TSHZ2: variants seen among roughly 807,000 people sequenced by gnomAD.
TSHZ2 encodes teashirt homolog 2.
In TSHZ2, 21 loss-of-function variants were observed where a neutral mutation model predicts 74.4. The ratio of observed to expected loss-of-function variants is 0.28; its 90% confidence interval spans 0.20 to 0.41. TSHZ2 has a LOEUF of 0.41. TSHZ2 is among the 10% of genes least tolerant of loss of function. The probability of loss-of-function intolerance (pLI) is 1.00; values close to 1 mark genes in which losing one functional copy is unlikely to be tolerated. For missense variants in TSHZ2, 1,244 were observed against 1,293.5 expected, an observed-to-expected ratio of 0.96 and a Z score of 0.59; for synonymous variants, 540 against 515.3, an observed-to-expected ratio of 1.05 and a Z score of -0.65.
intron 2 of TSHZ2, among the ~76,000 whole-genome samples, chr20:53,395,965 T>C (rs1452420521): frequency 2.0e-5 from 3 of 152,208 alleles, no homozygotes; most frequent in African/African-American, 7.2e-5. Flanking sequence ...AGATGGAGTC[T>C]CGCTCTGTTG....
At chr20:53,126,279 A>G (rs577949778) in intron 1 of TSHZ2, among the ~76,000 whole-genome samples, 1 of 152,370 alleles carries the variant, frequency 6.6e-6, no homozygotes, top group Admixed American at 6.5e-5. Context: ...GCGATCACAC[A>G]GCATTCATTC....
intron 2 of TSHZ2, among the ~76,000 whole-genome samples, chr20:53,266,501 G>A (rs562620132): frequency 7.2e-5 from 11 of 152,218 alleles, no homozygotes; most frequent in African/African-American, 2.6e-4. Context: ...TTCTCTCAAT[G>A]CACCTATGCA....
chr20:53,066,173 T>C (rs1193517267), intron 1 of TSHZ2, among the ~76,000 whole-genome samples: 7 of 152,276 alleles, frequency 4.6e-5, no homozygotes, highest in African/African-American at 1.7e-4. Flanking sequence ...GGAGTTTCTT[T>C]ACAAGGCATT....
chr20:52,977,279 G>C (rs547940314), intron 1 of TSHZ2, among the ~76,000 whole-genome samples: 1 of 152,068 alleles, frequency 6.6e-6, no homozygotes, highest in African/African-American at 2.4e-5. Flanking sequence ...ACTAGGAATC[G>C]GGTAGATTTG....
intron 2 of TSHZ2, among the ~76,000 whole-genome samples, chr20:53,360,456 G>T (rs1253428715): frequency 6.6e-6 from 1 of 152,214 alleles, no homozygotes; most frequent in Non-Finnish European, 1.5e-5. Flanking sequence ...GAAGCACAGT[G>T]CTGGGCATAA....
At chr20:53,293,932 C>T (rs1392749658) in intron 2 of TSHZ2, among the ~76,000 whole-genome samples, 2 of 151,934 alleles carry the variant, frequency 1.3e-5, no homozygotes, top group African/African-American at 4.8e-5. Context: ...AGGAGAATTG[C>T]TTGAAAAAGG....
In TSHZ2 at chr20:53,494,629, C is replaced by A. The variant is rs993902835; in HGVS notation, c.*7494C>A. 9 of 149,768 alleles carry A rather than the reference C, an allele frequency of 6.0e-5. No homozygotes were observed. Among genetic ancestry groups the A allele is most frequent in the African/African-American group, 2.2e-4 (9 of 40,638 alleles). 9.3% of individuals were successfully genotyped at this position (149,768 alleles called of 1,614,324 possible). A position where few individuals can be genotyped will look rare whatever the true frequency, so the allele number is the denominator to read the frequency against. Reference sequence around the variant, plus strand: ...TCACAAAAGCCATTATTTTTTGCATCCAAAGAGTTTTTTTTTTTAAGGAAA... The same window carrying A: ...TCACAAAAGCCATTATTTTTTGCATACAAAGAGTTTTTTTTTTTAAGGAAA... On this transcript the variant is annotated 3_prime_UTR_variant, in exon 3 of 3. Coordinates refer to ENST00000371497, the MANE Select transcript of TSHZ2 (RefSeq NM_173485.6).
At chr20:53,315,400 C>A (rs6022385) in intron 2 of TSHZ2, among the ~76,000 whole-genome samples, 7 of 152,292 alleles carry the variant, frequency 4.6e-5, no homozygotes, top group African/African-American at 1.7e-4. Context: ...AAACTTTCCA[C>A]GTTTTGATCC....
At chr20:53,370,116 T>A (rs772445711) in intron 2 of TSHZ2, among the ~76,000 whole-genome samples, 16 of 152,178 alleles carry the variant, frequency 1.1e-4, no homozygotes, top group Non-Finnish European at 1.9e-4. Context: ...CCATCCTCTG[T>A]TCCAGACATG....
At chr20:53,212,352 A>G (rs1989331818) in intron 1 of TSHZ2, among the ~76,000 whole-genome samples, 1 of 152,234 alleles carries the variant, frequency 6.6e-6, no homozygotes, top group Non-Finnish European at 1.5e-5. Flanking sequence ...TAATGATGAT[A>G]CTAATTTAGA....
chr20:53,079,713 T>C (rs965625843), intron 1 of TSHZ2, among the ~76,000 whole-genome samples: 5 of 152,354 alleles, frequency 3.3e-5, no homozygotes, highest in Middle Eastern at 3.4e-3. Flanking sequence ...TATTGAGTGC[T>C]GACTGTGCCC....
At chr20:53,306,202 A>G (rs1322403251) in intron 2 of TSHZ2, among the ~76,000 whole-genome samples, 1 of 152,178 alleles carries the variant, frequency 6.6e-6, no homozygotes, top group Non-Finnish European at 1.5e-5. Flanking sequence ...GTGCAAGACA[A>G]GAGGACTGGG....
intron 2 of TSHZ2, among the ~76,000 whole-genome samples, chr20:53,286,599 G>A (rs1991171150): frequency 6.6e-6 from 1 of 152,026 alleles, no homozygotes; most frequent in African/African-American, 2.4e-5. Context: ...ATTCAAATAT[G>A]TAAAAACAGG....
intron 1 of TSHZ2, among the ~76,000 whole-genome samples, chr20:53,136,871 T>G (rs1987258383): frequency 6.6e-6 from 1 of 152,138 alleles, no homozygotes; most frequent in African/African-American, 2.4e-5. Context: ...TTTTTCTACC[T>G]GATTAAAATG....
chr20:53,381,014 T>C (rs1337486778), intron 2 of TSHZ2, among the ~76,000 whole-genome samples: 3 of 152,260 alleles, frequency 2.0e-5, no homozygotes, highest in Non-Finnish European at 4.4e-5. Flanking sequence ...TTTGTGATTC[T>C]AATTCAGGAT....
chr20:53,410,200 G>A (rs1422814015), intron 2 of TSHZ2, among the ~76,000 whole-genome samples: 1 of 152,120 alleles, frequency 6.6e-6, no homozygotes, highest in African/African-American at 2.4e-5. Context: ...ATCCCAGGAT[G>A]AAGGTGACTC....
chr20:52,995,611 CT>C (rs11469115), intron 1 of TSHZ2, among the ~76,000 whole-genome samples: 5,434 of 135,870 alleles, frequency 0.04, 105 homozygotes, highest in African/African-American at 0.11. Context: ...TTTTTCTTTC[CT>C]TTTTTTTTTT....
intron 2 of TSHZ2, among the ~76,000 whole-genome samples, chr20:53,358,021 G>A (rs1362986703): frequency 6.6e-6 from 1 of 152,118 alleles, no homozygotes; most frequent in East Asian, 1.9e-4. Context: ...AACTATTCCT[G>A]GAAAGAACCA....
intron 1 of TSHZ2, among the ~76,000 whole-genome samples, chr20:53,140,465 G>A (rs372571393): frequency 4.0e-5 from 6 of 148,474 alleles, no homozygotes; most frequent in Non-Finnish European, 7.4e-5. Context: ...GCATGAACCC[G>A]GGAGGCGGAG....
Sources: gnomAD v4.1 joint callset for allele counts (sites outside exome capture counted in the v4.1 genomes callset) on GRCh38, gnomAD v4.1.1 for gene constraint, MANE v1.5 for transcripts, NCBI Gene and HGNC (gene_info 2026-07-23, HGNC 2026-07-21) for gene names.